The following GPHN variants were observed in gnomAD, a reference collection of about 807,000 sequenced individuals.
GPHN encodes gephyrin.
A neutral mutation model predicts 95.5 loss-of-function variants in GPHN; 17 were observed. The ratio of observed to expected loss-of-function variants is 0.18; its 90% CI spans 0.12 to 0.27. GPHN has a LOEUF of 0.27. GPHN is among the 10% of genes least tolerant of loss of function. The pLI, the probability that GPHN is intolerant of heterozygous loss-of-function variation, is 1.00. For missense variants in GPHN, 660 were observed against 978.1 expected (o/e 0.67, Z 4.34); for synonymous variants, 320 against 322.5 (o/e 0.99, Z 0.08).
chr14:67,140,447 C>T (rs1249601785), intron 17 of GPHN, among the ~76,000 whole-genome samples: 3 of 151,846 alleles, frequency 2.0e-5, no homozygotes, highest in African/African-American at 4.8e-5. Flanking sequence ...ATCAGCTAGG[C>T]TCCAGAACCT....
the GPHN span, chr14:67,364,784 G>C: frequency 6.2e-7 from 1 of 1,613,010 alleles, no homozygotes; most frequent in Non-Finnish European, 8.5e-7. Flanking sequence ...GGTCTAAGTT[G>C]TAGATTTTAT....
At chr14:67,449,695 T>C in the GPHN span, among the ~76,000 whole-genome samples, 3 of 152,250 alleles carry the variant, frequency 2.0e-5, no homozygotes, top group South Asian at 2.1e-4. Context: ...ATAATTCCCA[T>C]GTATTGTGGG....
chr14:67,384,821 G>A, the GPHN span: 1 of 152,124 alleles, frequency 6.6e-6, no homozygotes, highest in Admixed American at 6.5e-5. Flanking sequence ...TCCATATTGG[G>A]AATATGTAGA....
Position 67,162,012 on chromosome 14 carries a change from A to C in GPHN, c.1910+2524A>C, listed in dbSNP as rs118062979. Among the ~76,000 whole-genome samples, 490 of 152,324 alleles carry C rather than the reference A, an allele frequency of 3.2e-3. 4 individuals are homozygous for C. The highest frequency in any genetic ancestry group is 6.9e-3 in the Admixed American group (106 of 15,302). Reference sequence around the variant, plus strand: ...TCAGCCATTGTGTAAATGCTGTTATAGTCTGAGCTCAAGAGGAGAACTGAA... The same window carrying C: ...TCAGCCATTGTGTAAATGCTGTTATCGTCTGAGCTCAAGAGGAGAACTGAA... On this transcript the variant is annotated intron_variant, in intron 19 of 22. Transcript: ENST00000478722.
chr14:67,691,474 TC>T, the GPHN span: 4 of 442,950 alleles, frequency 9.0e-6, no homozygotes, highest in Non-Finnish European at 1.2e-5. Flanking sequence ...ACCTTCCAGA[TC>T]CTTGTAGTTC....
intron 8 of GPHN, among the ~76,000 whole-genome samples, chr14:66,957,723 A>G (rs1033043843): frequency 9.2e-5 from 14 of 152,046 alleles, no homozygotes; most frequent in African/African-American, 1.7e-4. Context: ...CAGGTCTTCT[A>G]TTGAAGGGGT....
chr14:67,251,155 G>T, the GPHN span, among the ~76,000 whole-genome samples: 2 of 152,176 alleles, frequency 1.3e-5, no homozygotes, highest in Non-Finnish European at 2.9e-5. Flanking sequence ...AATATAGCCT[G>T]CCTTAAGACT....
At chr14:66,520,870 T>G (rs540867808) in intron 1 of GPHN, among the ~76,000 whole-genome samples, 2 of 152,024 alleles carry the variant, frequency 1.3e-5, no homozygotes, top group East Asian at 3.9e-4. Flanking sequence ...CCCCCTACCC[T>G]CAAGCAGGCC....
the GPHN span, among the ~76,000 whole-genome samples, chr14:67,318,086 T>C: frequency 6.6e-6 from 1 of 152,210 alleles, no homozygotes; most frequent in South Asian, 2.1e-4. Flanking sequence ...TTACTGATTT[T>C]ATTACCTCCT....
chr14:67,040,008 G>C (rs1055999119), intron 10 of GPHN, among the ~76,000 whole-genome samples: 1 of 151,966 alleles, frequency 6.6e-6, no homozygotes, highest in Non-Finnish European at 1.5e-5. Flanking sequence ...TTAAGAAAAT[G>C]GACATGTATA....
At chr14:66,590,199 C>G (rs1328423690) in intron 1 of GPHN, among the ~76,000 whole-genome samples, 1 of 152,124 alleles carries the variant, frequency 6.6e-6, no homozygotes, top group East Asian at 1.9e-4. Flanking sequence ...ATTTATAGCA[C>G]TAAATGCCCA....
chr14:67,330,150 TAA>T, the GPHN span, among the ~76,000 whole-genome samples: 22,190 of 140,038 alleles, frequency 0.16, 3,147 homozygotes, highest in East Asian at 0.41. Context: ...ATAATAATAA[TAA>T]TAATTATTAT....
chr14:67,385,000 A>G, the GPHN span: 4 of 152,150 alleles, frequency 2.6e-5, no homozygotes, highest in Non-Finnish European at 5.9e-5. Flanking sequence ...GTTTACTGAA[A>G]TTTGTTATAC....
intron 9 of GPHN, among the ~76,000 whole-genome samples, chr14:67,013,969 CTG>C (rs137984767): frequency 1.3e-3 from 200 of 152,026 alleles, no homozygotes; most frequent in Non-Finnish European, 2.0e-3. Context: ...ATATTATTGA[CTG>C]TATCTATTCC....
chr14:66,939,276 A>G (rs1405116736), intron 8 of GPHN, among the ~76,000 whole-genome samples: 3 of 152,190 alleles, frequency 2.0e-5, no homozygotes, highest in African/African-American at 4.8e-5. Context: ...TTTGCAAATT[A>G]TATACCTGAT....
chr14:67,038,905 G>A lies in GPHN; in HGVS notation c.1006+15230G>A, dbSNP rs1006478339. Among the ~76,000 whole-genome samples the A allele has an allele frequency of 2.6e-5, 4 of 152,236 alleles. No individual in the cohort carries two copies. In the South Asian group the frequency reaches 6.2e-4, roughly 24 times the overall value. On this transcript the variant is annotated intron_variant, in intron 10 of 22. Transcript: ENST00000478722. ...TCAGTCAGTCATGGAACCCTCTGCTGCAGCTCTTCTAAATATCCTTTTTCC... is the reference window on the plus strand; with the variant it reads ...TCAGTCAGTCATGGAACCCTCTGCTACAGCTCTTCTAAATATCCTTTTTCC...
At chr14:67,500,717 G>A in the GPHN span, among the ~76,000 whole-genome samples, 15 of 150,266 alleles carry the variant, frequency 1.0e-4, no homozygotes, top group South Asian at 2.8e-3. Flanking sequence ...GACTACAGGC[G>A]CCCGCCACCA....
At chr14:67,046,523 C>T (rs138342706) in intron 10 of GPHN, among the ~76,000 whole-genome samples, 62 of 152,182 alleles carry the variant, frequency 4.1e-4, no homozygotes, top group African/African-American at 1.5e-3. Context: ...GAAATTTTAT[C>T]CTGTAAGTGA....
the GPHN span, among the ~76,000 whole-genome samples, chr14:67,288,306 T>C: frequency 6.6e-6 from 1 of 152,170 alleles, no homozygotes; most frequent in Non-Finnish European, 1.5e-5. Context: ...GGTCTTGAAC[T>C]CCTGACCTCA....
Sources: gnomAD v4.1 joint callset for allele counts (sites outside exome capture counted in the v4.1 genomes callset) on GRCh38, gnomAD v4.1.1 for gene constraint, MANE v1.5 for transcripts, NCBI Gene and HGNC (gene_info 2026-07-23, HGNC 2026-07-21) for gene names.